Variants in TTC9 observed in about 807,000 individuals in gnomAD.
TTC9 encodes the protein tetratricopeptide repeat domain 9.
TTC9 carries 13 observed loss-of-function variants against 22.9 expected under a neutral mutation model. That is an observed-to-expected ratio of 0.57 (90% CI 0.37 to 0.90). TTC9 has a LOEUF of 0.90. Among genes scored for constraint, TTC9 ranks in the 40% least tolerant of loss-of-function variants. The pLI is 0.01. For missense variants in TTC9, 280 were observed against 291.8 expected (o/e 0.96, Z 0.29); for synonymous variants, 148 against 133.2 (o/e 1.11, Z -0.77).
intron 1 of TTC9, among the ~76,000 whole-genome samples, chr14:70,664,591 TG>T (rs1241475336): frequency 6.6e-6 from 1 of 152,070 alleles, no homozygotes; most frequent in Non-Finnish European, 1.5e-5. Context: ...CTAGGCATGG[TG>T]GCGGGCATCT....
In TTC9 at chr14:70,642,146, C is replaced by T. The variant is rs1179311398; in HGVS notation, c.17C>T (p.Ser6Leu). The T allele has an allele frequency of 1.7e-6, 2 of 1,163,020 alleles. No homozygotes were observed. The highest frequency in any genetic ancestry group is 8.7e-5 in the East Asian group (2 of 23,094). The allele number at this position is 1,163,020 out of a possible 1,614,324, so 72.0% of individuals were successfully genotyped here. Residue 6 changes from serine (S) to leucine (L), a missense_variant, in exon 1 of 3, where the codon TCG becomes TTG. Coordinates refer to ENST00000256367, the MANE Select transcript of TTC9 (RefSeq NM_015351.2). MERKG[S>L]AAGAKGNPSP... ...GGCGGCCGAATGGAGAGAAAGGGCTCGGCGGCCGGGGCCAAGGGGAACCCG... is the reference window on the plus strand; with the variant it reads ...GGCGGCCGAATGGAGAGAAAGGGCTTGGCGGCCGGGGCCAAGGGGAACCCG...
At chr14:70,645,811 A>G (rs114165010) in intron 1 of TTC9, among the ~76,000 whole-genome samples, 1,539 of 152,346 alleles carry the variant, frequency 0.01, 25 homozygotes, top group African/African-American at 0.035. Flanking sequence ...TCCTCCTTCT[A>G]CACAAAGCTG....
chr14:70,666,597 C>T (rs1886219578), intron 1 of TTC9, among the ~76,000 whole-genome samples: 1 of 152,164 alleles, frequency 6.6e-6, no homozygotes, highest in African/African-American at 2.4e-5. Flanking sequence ...TATATAATCC[C>T]TCCAACAACT....
intron 1 of TTC9, among the ~76,000 whole-genome samples, chr14:70,649,390 G>A (rs1189658006): frequency 2.0e-5 from 3 of 152,140 alleles, no homozygotes; most frequent in African/African-American, 7.2e-5. Flanking sequence ...CTTGGGGGCT[G>A]GGTATATAGC....
chr14:70,667,219 T>C (rs1288136264), intron 1 of TTC9, among the ~76,000 whole-genome samples: 5 of 152,358 alleles, frequency 3.3e-5, no homozygotes, highest in Admixed American at 6.5e-5. Flanking sequence ...TAGGCCCTAC[T>C]GTAATGACCT....
intron 1 of TTC9, among the ~76,000 whole-genome samples, chr14:70,647,276 C>T (rs184036067): frequency 3.2e-4 from 49 of 152,316 alleles, no homozygotes; most frequent in African/African-American, 1.2e-3. Context: ...ATAAACTAAA[C>T]TATTTTTATT....
chr14:70,649,803 T>A (rs1033991100), intron 1 of TTC9, among the ~76,000 whole-genome samples: 9 of 152,210 alleles, frequency 5.9e-5, no homozygotes, highest in Admixed American at 1.3e-4. Context: ...TTAGACATCC[T>A]TTTACTGTGA....
chr14:70,643,577 C>G (rs1253362292), intron 1 of TTC9, among the ~76,000 whole-genome samples: 2 of 152,152 alleles, frequency 1.3e-5, no homozygotes, highest in African/African-American at 2.4e-5. Context: ...GTGAGGTTGC[C>G]TAAACTGTCT....
At chr14:70,648,832 G>A (rs1885939527) in intron 1 of TTC9, among the ~76,000 whole-genome samples, 1 of 152,152 alleles carries the variant, frequency 6.6e-6, no homozygotes, top group South Asian at 2.1e-4. Flanking sequence ...TCGGACAATG[G>A]TACCAGACTT....
chr14:70,673,841 AAGAT>A lies in TTC9; in HGVS notation c.*2687_*2690del, dbSNP rs1886331639. On this transcript the variant is annotated 3_prime_UTR_variant, in exon 3 of 3. Transcript: ENST00000256367. ...TATGATTGTAGCCATCCCATGTAGA[AAGAT>A]CAAAAACCAGAACGAAATGAAGACA... is the stretch of plus-strand genomic sequence containing the variant. 1 of 151,974 alleles carries A rather than the reference AAGAT, an allele frequency of 6.6e-6. No individual in the cohort carries two copies. The highest frequency in any genetic ancestry group is 2.4e-5 in the African/African-American group (1 of 41,418). The allele number at this position is 151,974 out of a possible 1,614,324, so 9.4% of individuals were successfully genotyped here.
At chr14:70,670,154 G>A (rs931809761) in intron 2 of TTC9, among the ~76,000 whole-genome samples, 5 of 152,230 alleles carry the variant, frequency 3.3e-5, no homozygotes, top group Admixed American at 6.5e-5. Context: ...AATTTCATGA[G>A]GCAGGTATTA....
At chr14:70,662,912 T>G (rs17176636) in intron 1 of TTC9, among the ~76,000 whole-genome samples, 3,259 of 152,262 alleles carry the variant, frequency 0.021, 55 homozygotes, top group Non-Finnish European at 0.033. Context: ...AATAAAGATC[T>G]CCCAGATGAA....
chr14:70,671,242 C>T lies in TTC9; in HGVS notation c.*87C>T. The T allele has an allele frequency of 1.8e-6, 2 of 1,111,200 alleles. No individual in the cohort carries two copies. Among genetic ancestry groups the T allele is most frequent in the Non-Finnish European group, 2.6e-6 (2 of 756,424 alleles). The allele number at this position is 1,111,200 out of a possible 1,614,324, so 68.8% of individuals were successfully genotyped here. ...AGAGAGCCCCGTCCTGGATTCTGTC[C>T]CTTTCTCCCCACTTCTTCTGGCTCC... On this transcript the variant is annotated 3_prime_UTR_variant, in exon 3 of 3. Transcript: ENST00000256367.
intron 1 of TTC9, among the ~76,000 whole-genome samples, chr14:70,661,526 A>G (rs1328453042): frequency 6.6e-6 from 1 of 152,224 alleles, no homozygotes; most frequent in Non-Finnish European, 1.5e-5. Context: ...GTTAGCTATA[A>G]GAAGAAAACC....
chr14:70,670,018 G>A (rs887208814), intron 2 of TTC9, among the ~76,000 whole-genome samples: 2 of 152,058 alleles, frequency 1.3e-5, no homozygotes, highest in African/African-American at 2.4e-5. Context: ...TGCTTATAAC[G>A]ACAAAAATAA....
intron 1 of TTC9, among the ~76,000 whole-genome samples, chr14:70,644,650 T>C (rs1229935825): frequency 6.6e-6 from 1 of 152,070 alleles, no homozygotes; most frequent in Non-Finnish European, 1.5e-5. Flanking sequence ...GGAAATTCCT[T>C]TGGGAGATCT....
At chr14:70,654,839 A>C (rs934276713) in intron 1 of TTC9, among the ~76,000 whole-genome samples, 1 of 152,272 alleles carries the variant, frequency 6.6e-6, no homozygotes, top group Middle Eastern at 3.4e-3. Context: ...GTACAAAAAA[A>C]TGGAAGCGAG....
At chr14:70,645,398 G>A (rs1462084011) in intron 1 of TTC9, among the ~76,000 whole-genome samples, 2 of 152,148 alleles carry the variant, frequency 1.3e-5, no homozygotes, top group African/African-American at 4.8e-5. Flanking sequence ...GTGAATAAAT[G>A]TAAACAGTTT....
At chr14:70,654,247 A>C (rs1886026238) in intron 1 of TTC9, among the ~76,000 whole-genome samples, 1 of 152,004 alleles carries the variant, frequency 6.6e-6, no homozygotes, top group Non-Finnish European at 1.5e-5. Context: ...TCTTCCCCTC[A>C]TCCCCCAGCT....
Sources: gnomAD v4.1 joint callset for allele counts (sites outside exome capture counted in the v4.1 genomes callset) on GRCh38, gnomAD v4.1.1 for gene constraint, MANE v1.5 for transcripts, NCBI Gene and HGNC (gene_info 2026-07-23, HGNC 2026-07-21) for gene names.